BABAM2: variants seen among roughly 807,000 people sequenced by gnomAD.
The protein encoded by BABAM2 is BRISC and BRCA1-A complex member 2.
A neutral mutation model predicts 54.7 loss-of-function variants in BABAM2; 31 were observed. The ratio of observed to expected loss-of-function variants is 0.57; its 90% confidence interval spans 0.43 to 0.77. The LOEUF is 0.77. BABAM2 is among the 30% of genes least tolerant of loss of function. The probability of loss-of-function intolerance (pLI) is 0.00; values close to 1 mark genes in which losing one functional copy is unlikely to be tolerated. For synonymous variants in BABAM2, 167 were observed against 162.9 expected (o/e 1.03, Z -0.19); for missense variants, 364 against 455.8 (o/e 0.80, Z 1.83).
At chr2:28,233,324 G>A (rs763644145) in intron 7 of BABAM2, 1 of 468,974 alleles carries the variant, frequency 2.1e-6, no homozygotes, top group South Asian at 1.6e-5. Context: ...TCCCGGGAAT[G>A]TCTTGAGTGA....
rs1690062877 is a variant in BABAM2 at position 28,322,029 on chromosome 2, G to A, written c.1089-16421G>A. Among the ~76,000 whole-genome samples, 1 of 151,964 alleles carries A rather than the reference G, an allele frequency of 6.6e-6. No individual in the cohort carries two copies. The highest frequency in any genetic ancestry group is 2.4e-5 in the African/African-American group (1 of 41,374). On this transcript the variant is annotated intron_variant, in intron 11 of 11. Transcript: ENST00000379624. This position sits in a 1 kb window ranked among gnomAD's most constrained non-coding sequence, Gnocchi z 4.1. Reference sequence around the variant, plus strand: ...ATTGACAGTGGTTGCATGAACTTAAGAATAATAGATCCTTAGGAAGGAAGG... The same window carrying A: ...ATTGACAGTGGTTGCATGAACTTAAAAATAATAGATCCTTAGGAAGGAAGG...
chr2:28,144,019 A>T (rs1214429519), intron 7 of BABAM2, among the ~76,000 whole-genome samples: 5 of 152,220 alleles, frequency 3.3e-5, no homozygotes, highest in South Asian at 2.1e-4. Context: ...CTTTGCGGTA[A>T]CATTTGGGTT....
At chr2:28,053,652 G>A (rs1412334088) in intron 6 of BABAM2, among the ~76,000 whole-genome samples, 1 of 152,188 alleles carries the variant, frequency 6.6e-6, no homozygotes, top group East Asian at 1.9e-4. Flanking sequence ...ACCCATGGCT[G>A]CGCTCAGTAC....
At chr2:28,054,264 AC>A (rs1367587918) in intron 6 of BABAM2, among the ~76,000 whole-genome samples, 6 of 151,942 alleles carry the variant, frequency 3.9e-5, no homozygotes, top group Non-Finnish European at 7.4e-5. Context: ...TTTGATTAGT[AC>A]CTTCAACTCT....
chr2:27,995,728 C>T lies in BABAM2; in HGVS notation c.300+7641C>T, dbSNP rs549715549. On this transcript the variant is annotated intron_variant, in intron 4 of 11. Coordinates refer to ENST00000379624, the MANE Select transcript of BABAM2 (RefSeq NM_199191.3). This position sits in a 1 kb window ranked among gnomAD's most constrained non-coding sequence, Gnocchi z 4.1. ...CCGAGTAGCTGGGACTACAGGCGCC[C>T]GCCACCACACCTGGCTAGTTTTTTT... 2.2e-4 allele frequency among the ~76,000 whole-genome samples: 34 copies of T among 152,024 alleles called. No individual in the cohort carries two copies. Among genetic ancestry groups the T allele is most frequent in the Non-Finnish European group, 2.6e-4 (18 of 67,956 alleles).
intron 7 of BABAM2, among the ~76,000 whole-genome samples, chr2:28,139,831 C>G (rs1670890298): frequency 6.6e-6 from 1 of 152,136 alleles, no homozygotes; most frequent in African/African-American, 2.4e-5. Flanking sequence ...AACTTCTATC[C>G]TTTGTGATGA....
chr2:27,947,089 TTTCTGC>T (rs1311376081), intron 3 of BABAM2, among the ~76,000 whole-genome samples: 1 of 152,172 alleles, frequency 6.6e-6, no homozygotes, highest in East Asian at 1.9e-4. Flanking sequence ...ATTTCATTGT[TTTCTGC>T]TCTTTGTTTA....
chr2:27,897,462 G>T (rs549116048), intron 2 of BABAM2, among the ~76,000 whole-genome samples: 53 of 152,050 alleles, frequency 3.5e-4, no homozygotes, highest in Admixed American at 9.8e-4. Flanking sequence ...CTAGTGTTAG[G>T]TTAGCTGCTT....
At chr2:28,226,110 T>G (rs566460496) in intron 7 of BABAM2, among the ~76,000 whole-genome samples, 138 of 152,368 alleles carry the variant, frequency 9.1e-4, no homozygotes, top group Non-Finnish European at 1.7e-3. Context: ...TGAATTTTAG[T>G]ATCCATAAAC....
intron 7 of BABAM2, among the ~76,000 whole-genome samples, chr2:28,167,770 C>T (rs1045229928): frequency 4.6e-5 from 7 of 152,036 alleles, no homozygotes; most frequent in African/African-American, 1.7e-4. Context: ...TGGTAGGCAA[C>T]ACTTTGATGG....
At chr2:28,238,933 A>C (rs996117447) in intron 8 of BABAM2, among the ~76,000 whole-genome samples, 1 of 152,052 alleles carries the variant, frequency 6.6e-6, no homozygotes, top group South Asian at 2.1e-4. Flanking sequence ...TTGTCTTTTG[A>C]AATTGATGTT....
chr2:28,212,590 T>C (rs1285418425), intron 7 of BABAM2, among the ~76,000 whole-genome samples: 4 of 152,224 alleles, frequency 2.6e-5, no homozygotes, highest in Non-Finnish European at 5.9e-5. Flanking sequence ...ATCTTTAGCA[T>C]CAACATTAAA....
intron 6 of BABAM2, among the ~76,000 whole-genome samples, chr2:28,102,837 C>T (rs1310842666): frequency 1.3e-5 from 2 of 152,298 alleles, no homozygotes; most frequent in South Asian, 2.1e-4. Flanking sequence ...ACCAAAGCCA[C>T]TGCCCTCTCT....
At chr2:27,907,381 T>G (rs1666259195) in intron 2 of BABAM2, among the ~76,000 whole-genome samples, 1 of 152,080 alleles carries the variant, frequency 6.6e-6, no homozygotes, top group Non-Finnish European at 1.5e-5. Flanking sequence ...TTTAAGTAGG[T>G]GTAATGCCCT....
At chr2:28,124,294 G>GA (rs1412355355) in intron 6 of BABAM2, among the ~76,000 whole-genome samples, 4 of 152,170 alleles carry the variant, frequency 2.6e-5, no homozygotes, top group Non-Finnish European at 5.9e-5. Flanking sequence ...GATGTTTGAC[G>GA]AGTGTTAAAG....
At chr2:27,964,328 A>G (rs1670689401) in intron 3 of BABAM2, among the ~76,000 whole-genome samples, 1 of 152,196 alleles carries the variant, frequency 6.6e-6, no homozygotes, top group South Asian at 2.1e-4. Flanking sequence ...CTTTTTCTTT[A>G]TATAAATTCC....
intron 3 of BABAM2, among the ~76,000 whole-genome samples, chr2:27,935,327 A>G (rs1668412464): frequency 6.6e-6 from 1 of 152,348 alleles, no homozygotes; most frequent in South Asian, 2.1e-4. Context: ...GATTCCTTTC[A>G]AAATATTATT....
chr2:28,263,162 AAGGAGAGG>A (rs1299610345), intron 10 of BABAM2, among the ~76,000 whole-genome samples: 1 of 150,518 alleles, frequency 6.6e-6, no homozygotes, highest in Non-Finnish European at 1.5e-5. Flanking sequence ...AAAAGAAAGG[AAGGAGAGG>A]AGGAGAGGGG....
Position 28,159,988 on chromosome 2 carries a change from T to C in BABAM2, c.680+30608T>C, listed in dbSNP as rs550245930. On this transcript the variant is annotated intron_variant, in intron 7 of 11. Coordinates refer to ENST00000379624, the MANE Select transcript of BABAM2 (RefSeq NM_199191.3). Reference sequence around the variant, plus strand: ...GAAAATGATTGGGTTTTTGTTTGTTTGTTTGTTTGAAGAGAAAGAGTCTAA... The same window carrying C: ...GAAAATGATTGGGTTTTTGTTTGTTCGTTTGTTTGAAGAGAAAGAGTCTAA... Among the ~76,000 whole-genome samples, 65 of 152,262 alleles carry C rather than the reference T, an allele frequency of 4.3e-4. 1 individual carries two copies. The highest frequency in any genetic ancestry group is 1.5e-3 in the African/African-American group (62 of 41,534).
Sources: gnomAD v4.1 joint callset for allele counts (sites outside exome capture counted in the v4.1 genomes callset) on GRCh38, gnomAD v4.1.1 for gene constraint, Gnocchi (gnomAD v3.1) non-coding constraint, MANE v1.5 for transcripts, NCBI Gene and HGNC (gene_info 2026-07-23, HGNC 2026-07-21) for gene names.